THSD7B: variants seen among roughly 807,000 people sequenced by gnomAD.
THSD7B encodes the protein thrombospondin type 1 domain containing 7B, also known as thrombospondin type-1 domain-containing protein 7B.
Under a neutral mutation model 213.6 loss-of-function variants are expected in THSD7B, and 138 were observed. The observed-to-expected ratio is 0.65, with a 90% CI of 0.56 to 0.74. The LOEUF (loss-of-function observed/expected upper bound fraction) is 0.74. Among genes scored for constraint, THSD7B ranks in the 30% least tolerant of loss-of-function variants. The pLI, the probability that THSD7B is intolerant of heterozygous loss-of-function variation, is 0.00. For synonymous variants in THSD7B, 742 were observed against 687.0 expected (o/e 1.08, Z -1.25); for missense variants, 1,931 against 1,991.5 (o/e 0.97, Z 0.58).
chr2:137,230,084 A>G (rs1006018503), intron 7 of THSD7B, among the ~76,000 whole-genome samples: 1 of 152,184 alleles, frequency 6.6e-6, no homozygotes, highest in African/African-American at 2.4e-5. Context: ...GAGACTGTGA[A>G]TGAGGGGAAT....
At chr2:137,111,503 G>T (rs1448267120) in intron 4 of THSD7B, among the ~76,000 whole-genome samples, 3 of 152,122 alleles carry the variant, frequency 2.0e-5, no homozygotes. Context: ...TGTGACCTTG[G>T]AAGAGTTACT....
chr2:137,657,221 GAGA>G, intron 24 of THSD7B, 61 bp downstream of exon 24: 2 of 1,491,904 alleles, frequency 1.3e-6, no homozygotes, highest in South Asian at 2.4e-5. Context: ...TGTTATTTGT[GAGA>G]AGAATTAGCT....
At chr2:137,669,155 C>A (rs901728156) in intron 27 of THSD7B, among the ~76,000 whole-genome samples, 1 of 152,052 alleles carries the variant, frequency 6.6e-6, no homozygotes, top group African/African-American at 2.4e-5. Context: ...CATCATCTGT[C>A]CCAGAGACTA....
At chr2:137,010,886 C>G (rs1402630296) in intron 2 of THSD7B, among the ~76,000 whole-genome samples, 1 of 152,084 alleles carries the variant, frequency 6.6e-6, no homozygotes, top group Non-Finnish European at 1.5e-5. Context: ...TGGTAAGTGA[C>G]TAAGTGCTAT....
At chr2:137,454,448 A>G (rs111535747) in intron 15 of THSD7B, among the ~76,000 whole-genome samples, 58 of 151,414 alleles carry the variant, frequency 3.8e-4, no homozygotes, top group Non-Finnish European at 6.0e-4. Flanking sequence ...CTATCTATCT[A>G]TCTATCTATC....
chr2:137,577,870 G>T (rs984589571), intron 17 of THSD7B, among the ~76,000 whole-genome samples: 1 of 152,206 alleles, frequency 6.6e-6, no homozygotes, highest in Non-Finnish European at 1.5e-5. Context: ...AGTATCAAAA[G>T]TTAATTAACT....
chr2:136,973,455 CT>C (rs1399909150), intron 2 of THSD7B, among the ~76,000 whole-genome samples: 2 of 151,952 alleles, frequency 1.3e-5, no homozygotes, highest in Non-Finnish European at 2.9e-5. Context: ...TTTTTCTGCA[CT>C]TTTTTTCTTA....
chr2:137,480,631 T>C (rs566739096), intron 15 of THSD7B, among the ~76,000 whole-genome samples: 1 of 152,362 alleles, frequency 6.6e-6, no homozygotes, highest in African/African-American at 2.4e-5. Flanking sequence ...TTTTCACTTT[T>C]GATTAAGCTA....
intron 7 of THSD7B, among the ~76,000 whole-genome samples, chr2:137,175,240 C>T (rs745414715): frequency 4.6e-5 from 7 of 152,172 alleles, no homozygotes; most frequent in Non-Finnish European, 1.0e-4. Context: ...TCACCCATAA[C>T]TTTTGCCCCA....
At chr2:137,144,171 C>T (rs144394442) in intron 5 of THSD7B, among the ~76,000 whole-genome samples, 1 of 152,082 alleles carries the variant, frequency 6.6e-6, no homozygotes, top group East Asian at 1.9e-4. Flanking sequence ...GAGGGAACAG[C>T]TTGGAAAGAA....
chr2:136,988,568 C>A (rs574803076), intron 2 of THSD7B, among the ~76,000 whole-genome samples: 17 of 152,310 alleles, frequency 1.1e-4, no homozygotes, highest in African/African-American at 4.1e-4. Context: ...GAGCTTCCAG[C>A]AGAGACCATC....
chr2:137,450,765 A>G (rs1687633365), intron 14 of THSD7B, 80 bp from the exon 15 acceptor site: 1 of 1,158,336 alleles, frequency 8.6e-7, no homozygotes, highest in Non-Finnish European at 1.2e-6. Flanking sequence ...AAAAATCCAA[A>G]CTGTGATCAT....
At chr2:137,220,492 A>G (rs536100814) in intron 7 of THSD7B, among the ~76,000 whole-genome samples, 13 of 152,362 alleles carry the variant, frequency 8.5e-5, no homozygotes, top group African/African-American at 2.9e-4. Context: ...CCCACCTATA[A>G]GAATGACAAC....
In THSD7B at chr2:137,404,868, G is replaced by C. The variant is rs577256767; in HGVS notation, c.2501-745G>C. 5.9e-5 allele frequency among the ~76,000 whole-genome samples: 9 copies of C among 151,922 alleles called. No individual in the cohort carries two copies. The South Asian group carries it at 1.0e-3, about 18-fold the overall frequency. On this transcript the variant is annotated intron_variant, in intron 12 of 27. Transcript: ENST00000409968. The stretch of plus-strand genomic sequence containing the variant: ...GGGGACTTGGTGGGAACAGTGGGAG[G>C]GGGGTGAGGGATAAAAGACAACAAA...
intron 2 of THSD7B, among the ~76,000 whole-genome samples, chr2:136,995,486 T>TG (rs1158929729): frequency 3.9e-5 from 6 of 152,182 alleles, no homozygotes; most frequent in African/African-American, 1.2e-4. Context: ...TCCCCTTAGA[T>TG]GGGGTCATTC....
intron 20 of THSD7B, among the ~76,000 whole-genome samples, chr2:137,641,507 C>A (rs1168435905): frequency 6.6e-6 from 1 of 152,200 alleles, no homozygotes; most frequent in African/African-American, 2.4e-5. Flanking sequence ...CACTGGAAGT[C>A]CACCATATTC....
At chr2:137,092,095 C>G (rs947299660) in intron 3 of THSD7B, among the ~76,000 whole-genome samples, 1 of 152,106 alleles carries the variant, frequency 6.6e-6, no homozygotes, top group African/African-American at 2.4e-5. Context: ...TTTGAAAGGA[C>G]TAATATTATC....
intron 5 of THSD7B, among the ~76,000 whole-genome samples, chr2:137,133,180 C>T (rs556973554): frequency 4.6e-5 from 7 of 152,134 alleles, no homozygotes; most frequent in Non-Finnish European, 8.8e-5. Context: ...CTTGAGTCAA[C>T]GGTGCAAAAC....
intron 12 of THSD7B, among the ~76,000 whole-genome samples, chr2:137,361,272 G>A (rs191695975): frequency 1.9e-3 from 289 of 152,302 alleles, no homozygotes; most frequent in African/African-American, 6.5e-3. Context: ...CAAAGATGGC[G>A]AGGAACCAGA....
Sources: allele counts gnomAD v4.1 joint callset (sites outside exome capture counted in the v4.1 genomes callset), GRCh38; gene constraint gnomAD v4.1.1; transcripts MANE v1.5; gene names NCBI Gene and HGNC (gene_info 2026-07-23, HGNC 2026-07-21).